The following PRR16 variants were observed in gnomAD, a reference collection of about 807,000 sequenced individuals.
The protein encoded by PRR16 is protein Largen.
In PRR16, 6 loss-of-function variants were observed where a neutral mutation model predicts 18.2. The observed-to-expected ratio is 0.33, with a 90% CI of 0.18 to 0.65. The LOEUF (loss-of-function observed/expected upper bound fraction) is 0.65. Among genes scored for constraint, PRR16 ranks in the 30% least tolerant of loss-of-function variants. The probability of loss-of-function intolerance (pLI) is 0.74; values close to 1 mark genes in which losing one functional copy is unlikely to be tolerated. For missense variants in PRR16, 412 were observed against 376.6 expected (o/e 1.09, Z -0.78); for synonymous variants, 151 against 147.8 (o/e 1.02, Z -0.16).
At chr5:120,592,059 C>A (rs1319351212) in intron 1 of PRR16, among the ~76,000 whole-genome samples, 1 of 151,334 alleles carries the variant, frequency 6.6e-6, no homozygotes, top group Non-Finnish European at 1.5e-5. Flanking sequence ...TTTTGGACGT[C>A]TATCACTTTC....
chr5:120,566,646 C>T (rs76241818), intron 1 of PRR16, among the ~76,000 whole-genome samples: 2 of 152,120 alleles, frequency 1.3e-5, no homozygotes, highest in East Asian at 3.9e-4. Context: ...AACGGAAACA[C>T]TTCTTGTTTT....
At chr5:120,641,825 A>C (rs1333823705) in intron 1 of PRR16, among the ~76,000 whole-genome samples, 1 of 152,088 alleles carries the variant, frequency 6.6e-6, no homozygotes, top group Non-Finnish European at 1.5e-5. Flanking sequence ...CCTGACCTCA[A>C]GGTTGGCATC....
intron 1 of PRR16, among the ~76,000 whole-genome samples, chr5:120,545,770 G>A (rs1344992412): frequency 3.3e-5 from 5 of 151,982 alleles, no homozygotes; most frequent in African/African-American, 9.7e-5. Flanking sequence ...GGTAGCCTTA[G>A]ATTTGATCTT....
intron 1 of PRR16, among the ~76,000 whole-genome samples, chr5:120,467,266 G>A (rs891711163): frequency 1.3e-5 from 2 of 151,858 alleles, no homozygotes; most frequent in Admixed American, 1.3e-4. Context: ...TTCCTTTATT[G>A]GCAATGCTAT....
At chr5:120,496,572 A>G (rs1420164687) in intron 1 of PRR16, among the ~76,000 whole-genome samples, 1 of 151,706 alleles carries the variant, frequency 6.6e-6, no homozygotes, top group Non-Finnish European at 1.5e-5. Flanking sequence ...CATTCATAGT[A>G]TTGGTAATTT....
chr5:120,630,310 A>C lies in PRR16; in HGVS notation c.160-55644A>C, dbSNP rs1755010359. Among the ~76,000 whole-genome samples, 8 of 151,946 alleles carry C rather than the reference A, an allele frequency of 5.3e-5. No individual in the cohort carries two copies. The South Asian group carries it at 1.7e-3, about 32-fold the overall frequency. On this transcript the variant is annotated intron_variant, in intron 1 of 1. Coordinates refer to ENST00000407149, the MANE Select transcript of PRR16 (RefSeq NM_001300783.2). Reference sequence around the variant, plus strand: ...ACAGATTGTCTTTTTTTATTATCCTAAGTTCTTGGGTTTCCATTCCTATTG... The same window carrying C: ...ACAGATTGTCTTTTTTTATTATCCTCAGTTCTTGGGTTTCCATTCCTATTG...
intron 1 of PRR16, among the ~76,000 whole-genome samples, chr5:120,591,804 A>T (rs1326990332): frequency 1.3e-5 from 2 of 152,104 alleles, no homozygotes; most frequent in African/African-American, 4.8e-5. Flanking sequence ...TAAAATAGTA[A>T]ACTTAGAGAT....
At chr5:120,781,858 T>G in the PRR16 span, among the ~76,000 whole-genome samples, 45 of 152,292 alleles carry the variant, frequency 3.0e-4, no homozygotes, top group African/African-American at 1.1e-3. Flanking sequence ...TTCAAGTATT[T>G]GAATATTGTA....
At chr5:120,738,000 C>T in the PRR16 span, among the ~76,000 whole-genome samples, 14 of 151,708 alleles carry the variant, frequency 9.2e-5, no homozygotes, top group South Asian at 4.2e-4. Context: ...AGACAAATTT[C>T]GGAGATCAAT....
chr5:120,753,087 G>A, the PRR16 span, among the ~76,000 whole-genome samples: 1 of 151,998 alleles, frequency 6.6e-6, no homozygotes, highest in African/African-American at 2.4e-5. Context: ...GTTTTGAGCA[G>A]AGGAGTTAGC....
At chr5:120,476,528 G>A (rs973639334) in intron 1 of PRR16, among the ~76,000 whole-genome samples, 1 of 152,104 alleles carries the variant, frequency 6.6e-6, no homozygotes, top group Non-Finnish European at 1.5e-5. Flanking sequence ...AAGTCTCACT[G>A]TTATTATCTG....
the PRR16 span, among the ~76,000 whole-genome samples, chr5:120,709,060 T>G: frequency 8.2e-6 from 1 of 122,208 alleles, no homozygotes; most frequent in Non-Finnish European, 1.6e-5. Flanking sequence ...CAGGCTGGAG[T>G]GCAGTGGCGC....
chr5:120,784,902 G>A, the PRR16 span, among the ~76,000 whole-genome samples: 1 of 152,130 alleles, frequency 6.6e-6, no homozygotes, highest in Non-Finnish European at 1.5e-5. Context: ...CCATCCTAAT[G>A]GTTCTCAGGT....
intron 1 of PRR16, among the ~76,000 whole-genome samples, chr5:120,535,497 C>G (rs1196725466): frequency 6.6e-6 from 1 of 152,098 alleles, no homozygotes; most frequent in Non-Finnish European, 1.5e-5. Context: ...CACACTTAAC[C>G]AAGAGTAAGA....
chr5:120,562,568 C>T (rs543730839), intron 1 of PRR16, among the ~76,000 whole-genome samples: 20 of 152,024 alleles, frequency 1.3e-4, no homozygotes, highest in Admixed American at 7.2e-4. Context: ...TTTCTTCCTT[C>T]CTGACTTCCC....
intron 1 of PRR16, among the ~76,000 whole-genome samples, chr5:120,611,436 C>A (rs562660846): frequency 1.3e-5 from 2 of 152,238 alleles, no homozygotes; most frequent in Admixed American, 6.5e-5. Context: ...CCCAGAGGCC[C>A]AGATGGAAAA....
At chr5:120,591,925 T>C (rs1006441634) in intron 1 of PRR16, among the ~76,000 whole-genome samples, 3 of 152,166 alleles carry the variant, frequency 2.0e-5, no homozygotes, top group Admixed American at 2.0e-4. Flanking sequence ...TGAAGAGACA[T>C]GCTGAAACAG....
chr5:120,734,302 G>T, the PRR16 span, among the ~76,000 whole-genome samples: 14 of 152,034 alleles, frequency 9.2e-5, no homozygotes, highest in Non-Finnish European at 1.0e-4. Context: ...GGAGCAGGAG[G>T]CTGGGGCACA....
intron 1 of PRR16, among the ~76,000 whole-genome samples, chr5:120,582,696 C>T (rs183877337): frequency 6.6e-6 from 1 of 151,982 alleles, no homozygotes; most frequent in Admixed American, 6.5e-5. Context: ...AAATTTCTTT[C>T]GTAATAGTAA....
Sources: allele counts gnomAD v4.1 joint callset (sites outside exome capture counted in the v4.1 genomes callset), GRCh38; gene constraint gnomAD v4.1.1; transcripts MANE v1.5; gene names NCBI Gene and HGNC (gene_info 2026-07-23, HGNC 2026-07-21).